The following BRINP1 variants were observed in gnomAD, a reference collection of about 807,000 sequenced individuals.
The protein encoded by BRINP1 is BMP/retinoic acid-inducible neural-specific protein 1.
A neutral mutation model predicts 72.9 loss-of-function variants in BRINP1; 17 were observed. The observed-to-expected ratio is 0.23, with a 90% CI of 0.16 to 0.35. The LOEUF is 0.35. Among genes scored for constraint, BRINP1 ranks in the 10% least tolerant of loss-of-function variants. The pLI, the probability that BRINP1 is intolerant of heterozygous loss-of-function variation, is 1.00. For missense variants in BRINP1, 850 were observed against 1,001.6 expected (o/e 0.85, Z 2.04); for synonymous variants, 418 against 378.5 (o/e 1.10, Z -1.21).
At chr9:119,214,194 A>G in intron 5 of BRINP1, 39 bp from the exon 6 acceptor site, 3 of 1,468,932 alleles carry the variant, frequency 2.0e-6, no homozygotes, top group Non-Finnish European at 2.8e-6. Context: ...AGAAAGGTTT[A>G]AAAAAAGGTG....
At position 119,166,887 on chromosome 9, in the gene BRINP1, G is replaced by A; in HGVS notation, c.*197C>T. ...CCTTCTTCATGACAGAGTGAGTATA[G>A]AAATAACAAACATGCCCAACGCTTT... On this transcript the variant is annotated 3_prime_UTR_variant, in exon 8 of 8. Coordinates refer to ENST00000265922, the MANE Select transcript of BRINP1 (RefSeq NM_014618.3). The A allele has an allele frequency of 1.7e-6, 1 of 602,134 alleles. No individual in the cohort carries two copies. The highest frequency in any genetic ancestry group is 3.4e-5 in the Admixed American group (1 of 29,758). 37.3% of individuals were successfully genotyped at this position (602,134 alleles called of 1,614,324 possible).
intron 4 of BRINP1, among the ~76,000 whole-genome samples, chr9:119,241,494 A>G (rs1830248682): frequency 6.6e-6 from 1 of 152,132 alleles, no homozygotes; most frequent in African/African-American, 2.4e-5. Context: ...TGTACAGAAA[A>G]CTTTTGCTGA....
chr9:119,331,515 G>A (rs1052727448), intron 1 of BRINP1, among the ~76,000 whole-genome samples: 1 of 152,210 alleles, frequency 6.6e-6, no homozygotes, highest in African/African-American at 2.4e-5. Context: ...TATAACATCG[G>A]GAGGTTCCAG....
chr9:119,279,869 T>G (rs1052968941), intron 2 of BRINP1, among the ~76,000 whole-genome samples: 1 of 152,182 alleles, frequency 6.6e-6, no homozygotes, highest in Non-Finnish European at 1.5e-5. Flanking sequence ...CCCAAATCAG[T>G]GTACTTTCTG....
At chr9:119,337,603 C>G (rs1032714324) in intron 1 of BRINP1, among the ~76,000 whole-genome samples, 4 of 152,234 alleles carry the variant, frequency 2.6e-5, no homozygotes, top group Non-Finnish European at 5.9e-5. Context: ...TCTCCCTTAA[C>G]TACATCTAAC....
chr9:119,367,376 C>T (rs1411623495), intron 1 of BRINP1, among the ~76,000 whole-genome samples: 1 of 151,924 alleles, frequency 6.6e-6, no homozygotes. Flanking sequence ...CCCTTGTCTT[C>T]TCCTAGCCTC....
At chr9:119,324,170 T>A (rs1309100760) in intron 1 of BRINP1, among the ~76,000 whole-genome samples, 1 of 152,076 alleles carries the variant, frequency 6.6e-6, no homozygotes, top group Non-Finnish European at 1.5e-5. Context: ...AAACGTCCAA[T>A]TAATTCCAAT....
At chr9:119,185,252 G>A (rs1479858725) in intron 7 of BRINP1, among the ~76,000 whole-genome samples, 3 of 151,672 alleles carry the variant, frequency 2.0e-5, no homozygotes, top group Non-Finnish European at 4.4e-5. Context: ...TGGTACATTC[G>A]CCCCCACTTA....
At chr9:119,214,939 G>T (rs144730694) in intron 5 of BRINP1, among the ~76,000 whole-genome samples, 1 of 152,304 alleles carries the variant, frequency 6.6e-6, no homozygotes, top group African/African-American at 2.4e-5. Context: ...AATAGCTGTA[G>T]AGAGGGACAG....
chr9:119,268,249 T>TAGAC (rs1830571625), intron 2 of BRINP1, among the ~76,000 whole-genome samples: 2 of 41,564 alleles, frequency 4.8e-5, no homozygotes, highest in South Asian at 8.4e-4. Context: ...TCTCAATAAA[T>TAGAC]AGATAGATAG....
intron 2 of BRINP1, among the ~76,000 whole-genome samples, chr9:119,273,352 A>G (rs1830625517): frequency 1.3e-5 from 2 of 152,068 alleles, no homozygotes; most frequent in African/African-American, 4.8e-5. Context: ...GTGAGTGTGA[A>G]CCCTGGGTGA....
chr9:119,232,096 C>T (rs1046515164), intron 5 of BRINP1, among the ~76,000 whole-genome samples: 2 of 152,174 alleles, frequency 1.3e-5, no homozygotes, highest in Non-Finnish European at 2.9e-5. Flanking sequence ...TTACCAGTCT[C>T]ATCATAGCAA....
chr9:119,175,263 A>G (rs1419501892), intron 7 of BRINP1, among the ~76,000 whole-genome samples: 2 of 151,658 alleles, frequency 1.3e-5, no homozygotes, highest in Admixed American at 6.6e-5. Context: ...AAACTAACAA[A>G]CATAAGAACA....
intron 5 of BRINP1, among the ~76,000 whole-genome samples, chr9:119,218,706 G>A (rs1830006897): frequency 6.7e-6 from 1 of 150,146 alleles, no homozygotes. Context: ...CAGCACAGTT[G>A]AGACCTCTGG....
At chr9:119,221,657 G>A (rs978921672) in intron 5 of BRINP1, among the ~76,000 whole-genome samples, 8 of 152,150 alleles carry the variant, frequency 5.3e-5, no homozygotes, top group South Asian at 2.1e-4. Flanking sequence ...ATAAGAATTC[G>A]GAAATGTCCC....
Position 119,249,159 on chromosome 9 carries a change from G to A in BRINP1, c.219-9C>T, listed in dbSNP as rs1194899716. ...TCCAACGGGCAAACTCCCTGGGCAG[G>A]AGAAATGAGCAACACTTCTCAACTT... On this transcript the variant is annotated splice_polypyrimidine_tract_variant and intron_variant, in intron 2 of 7. Transcript: ENST00000265922. The A allele has an allele frequency of 3.1e-6, 5 of 1,610,836 alleles. No individual in the cohort carries two copies. The East Asian group carries it at 1.1e-4, about 36-fold the overall frequency.
At chr9:119,244,652 G>A (rs557685784) in intron 3 of BRINP1, among the ~76,000 whole-genome samples, 1 of 152,310 alleles carries the variant, frequency 6.6e-6, no homozygotes, top group South Asian at 2.1e-4. Flanking sequence ...AACAAGCCCG[G>A]TTCCCTCTGG....
intron 7 of BRINP1, among the ~76,000 whole-genome samples, chr9:119,168,591 T>G (rs1366394363): frequency 8.5e-6 from 1 of 117,698 alleles, no homozygotes; most frequent in Admixed American, 9.6e-5. Flanking sequence ...CCCTTCTGGA[T>G]GACAACATAT....
intron 2 of BRINP1, among the ~76,000 whole-genome samples, chr9:119,269,353 A>T (rs1588185074): frequency 6.6e-6 from 1 of 152,006 alleles, no homozygotes; most frequent in East Asian, 1.9e-4. Context: ...GGAATGATTC[A>T]CCCTCCCCTT....
Sources: allele counts gnomAD v4.1 joint callset (sites outside exome capture counted in the v4.1 genomes callset), GRCh38; gene constraint gnomAD v4.1.1; transcripts MANE v1.5; gene names NCBI Gene and HGNC (gene_info 2026-07-23, HGNC 2026-07-21).